IFT81: variants seen among roughly 807,000 people sequenced by gnomAD.
IFT81 encodes the protein intraflagellar transport 81, also known as intraflagellar transport protein 81 homolog.
IFT81 carries 72 observed loss-of-function variants against 102.6 expected under a neutral mutation model. That is an observed-to-expected ratio of 0.70 (90% CI 0.58 to 0.85). IFT81 has a LOEUF of 0.85. Ranked by LOEUF, IFT81 falls within the 40% of genes least tolerant of loss-of-function variation. IFT81 has a pLI of 0.00. For synonymous variants in IFT81, 237 were observed against 242.7 expected (o/e 0.98, Z 0.22); for missense variants, 723 against 787.3 (o/e 0.92, Z 0.98).
chr12:110,202,928 G>A (rs1898368032), intron 14 of IFT81, among the ~76,000 whole-genome samples: 1 of 152,048 alleles, frequency 6.6e-6, no homozygotes, highest in Admixed American at 6.6e-5. Context: ...TTCTAATTAA[G>A]CCCCTGCCTA....
At chr12:110,145,589 A>C (rs1409899101) in intron 9 of IFT81, among the ~76,000 whole-genome samples, 5 of 151,420 alleles carry the variant, frequency 3.3e-5, no homozygotes, top group Non-Finnish European at 5.9e-5. Context: ...GGCACCTGCC[A>C]CCATGCCCAG....
rs952722377 is a variant in IFT81, at chr12:110,209,067, A to G, written c.1803-104A>G. 8.8e-6 allele frequency: 5 copies of G among 566,614 alleles called. No homozygotes were observed. In the African/African-American group the frequency reaches 9.8e-5, roughly 11 times the overall value. 35.1% of individuals were successfully genotyped at this position (566,614 alleles called of 1,614,324 possible). A position where few individuals can be genotyped will look rare whatever the true frequency, so the allele number is the denominator to read the frequency against. The stretch of plus-strand genomic sequence containing the variant: ...CATTCTGACTCCAGTACCCTAAACT[A>G]TATTGCCTAGTGTATTTTAGATAGA... On this transcript the variant is annotated intron_variant, in intron 17 of 18. Transcript: ENST00000242591.
In IFT81 at chr12:110,205,434, A is replaced by G. The variant is rs1462629474; in HGVS notation, c.1645-9A>G. 1 of 1,580,310 alleles carries G rather than the reference A, an allele frequency of 6.3e-7. No individual in the cohort carries two copies. Among genetic ancestry groups the G allele is most frequent in the South Asian group, 1.2e-5 (1 of 84,484 alleles). ...GATAATGTCACCTATCTAAAATTATATATTATAGGAAGTTAGAAGACTCCG... is the reference window on the plus strand; with the variant it reads ...GATAATGTCACCTATCTAAAATTATGTATTATAGGAAGTTAGAAGACTCCG... On this transcript the variant is annotated splice_polypyrimidine_tract_variant and intron_variant, in intron 15 of 18. Coordinates refer to ENST00000242591, the MANE Select transcript of IFT81 (RefSeq NM_014055.4).
intron 11 of IFT81, chr12:110,168,564 G>C (rs1896564112): frequency 2.5e-6 from 1 of 406,794 alleles, no homozygotes; most frequent in Non-Finnish European, 3.3e-6. Context: ...ATTATGCCTG[G>C]AGTATTATTT....
At chr12:110,150,670 A>G (rs1895477167) in intron 10 of IFT81, among the ~76,000 whole-genome samples, 1 of 152,216 alleles carries the variant, frequency 6.6e-6, no homozygotes, top group Non-Finnish European at 1.5e-5. Flanking sequence ...TTTACACACA[A>G]CAGTCTCAGA....
At chr12:110,164,396 A>C (rs1896323246) in intron 11 of IFT81, among the ~76,000 whole-genome samples, 1 of 152,152 alleles carries the variant, frequency 6.6e-6, no homozygotes, top group Admixed American at 6.5e-5. Flanking sequence ...TAGCAAAATA[A>C]AGCAATAGGT....
chr12:110,176,063 C>T (rs1382312732), intron 11 of IFT81, among the ~76,000 whole-genome samples: 1 of 152,090 alleles, frequency 6.6e-6, no homozygotes, highest in Non-Finnish European at 1.5e-5. Flanking sequence ...TCCTCACTCA[C>T]CCCTCTGTGT....
Position 110,209,189 on chromosome 12 carries a change from T to TA in IFT81, c.1822dup (p.Thr608AsnfsTer3), listed in dbSNP as rs746148735. 3 of 1,552,544 alleles carry TA rather than the reference T, an allele frequency of 1.9e-6. No homozygotes were observed. The highest frequency in any genetic ancestry group is 2.7e-6 in the Non-Finnish European group (3 of 1,128,270). ...TCCCTAGGGAACAGTATACCAAAAA[T>TA]ACTGCTGAACAAGAAAACCTTGGAA... On this transcript the variant is annotated frameshift_variant, in exon 18 of 19. Coordinates refer to ENST00000242591, the MANE Select transcript of IFT81 (RefSeq NM_014055.4). LOFTEE classifies it high-confidence loss of function.
chr12:110,156,245 A>G (rs910994377), intron 10 of IFT81, among the ~76,000 whole-genome samples: 8 of 152,230 alleles, frequency 5.3e-5, no homozygotes, highest in African/African-American at 1.4e-4. Context: ...TAAATTATGT[A>G]GAGAACAAAA....
At chr12:110,191,198 T>G in intron 13 of IFT81, 150 bp downstream of exon 13, 1 of 680,600 alleles carries the variant, frequency 1.5e-6, no homozygotes, top group Non-Finnish European at 2.3e-6. Flanking sequence ...TGAGGCAGAG[T>G]CTCACTCTAT....
chr12:110,136,879 A>G lies in IFT81; in HGVS notation c.781+19A>G. 4 of 1,396,312 alleles carry G rather than the reference A, an allele frequency of 2.9e-6. No individual in the cohort carries two copies. The highest frequency in any genetic ancestry group is 3.0e-6 in the Non-Finnish European group (3 of 1,007,678). 86.5% of individuals were successfully genotyped at this position (1,396,312 alleles called of 1,614,324 possible). A position where few individuals can be genotyped will look rare whatever the true frequency, so the allele number is the denominator to read the frequency against. On this transcript the variant is annotated intron_variant, in intron 8 of 18. Transcript: ENST00000242591. ...CCTGAAAGTAAGTGGAAATTATTAT[A>G]TGGTATAGATGATTAGAAAATATTA... is the stretch of plus-strand genomic sequence containing the variant.
intron 11 of IFT81, among the ~76,000 whole-genome samples, chr12:110,177,472 C>T (rs892145475): frequency 3.3e-5 from 5 of 152,032 alleles, no homozygotes; most frequent in African/African-American, 4.8e-5. Context: ...TTAGTAGGGA[C>T]GGAGTTTGGC....
intron 10 of IFT81, among the ~76,000 whole-genome samples, chr12:110,155,123 CCTT>C (rs1402634894): frequency 5.9e-5 from 9 of 152,016 alleles, no homozygotes; most frequent in Admixed American, 3.9e-4. Flanking sequence ...TTAATAATGT[CCTT>C]CTTTGTCTCT....
Position 110,132,550 on chromosome 12 carries a change from G to A in IFT81, c.433G>A (p.Glu145Lys), listed in dbSNP as rs1894233064. Residue 145 changes from glutamate (E) to lysine (K), a missense_variant, in exon 5 of 19, where the codon GAA becomes AAA. By Grantham distance (56) the Glu-to-Lys change is moderately conservative. Coordinates refer to ENST00000242591, the MANE Select transcript of IFT81 (RefSeq NM_014055.4). ...ETVADTNKQY[E>K]ELMEAFKTLH... Reference sequence around the variant, plus strand: ...ATTTCTTAACTTATTCTTCTAGTATGAAGAGTTAATGGAAGCCTTTAAAAC... The same window carrying A: ...ATTTCTTAACTTATTCTTCTAGTATAAAGAGTTAATGGAAGCCTTTAAAAC... 1 of 1,401,208 alleles carries A rather than the reference G, an allele frequency of 7.1e-7. No homozygotes were observed. Among genetic ancestry groups the A allele is most frequent in the South Asian group, 1.2e-5 (1 of 80,854 alleles). 86.8% of individuals were successfully genotyped at this position (1,401,208 alleles called of 1,614,324 possible).
chr12:110,191,720 C>T (rs1358637147), intron 13 of IFT81, among the ~76,000 whole-genome samples: 2 of 152,208 alleles, frequency 1.3e-5, no homozygotes, highest in Non-Finnish European at 2.9e-5. Flanking sequence ...TACACTTTCA[C>T]CAGGCATTAA....
chr12:110,187,883 C>G (rs1897608051), intron 12 of IFT81, among the ~76,000 whole-genome samples: 1 of 152,116 alleles, frequency 6.6e-6, no homozygotes, highest in Admixed American at 6.5e-5. Context: ...GGTCTTACTG[C>G]TAGGTTATAG....
At position 110,135,407 on chromosome 12, in the gene IFT81, T is replaced by C. The variant is rs1349604314; in HGVS notation, c.666T>C (p.Leu222=). ...LRVEKEREEY[L]AQQKQEQKNQ... is the part of the protein sequence containing the mutation. ...TTGAAAAAGAGAGAGAAGAATATCT[T>C]GCACAACAGAAACAGGAACAAAAGA... Residue 222 remains leucine (L), a synonymous_variant, in exon 7 of 19, where the codon CTT becomes CTC. Transcript: ENST00000242591. The C allele has an allele frequency of 5.0e-6, 8 of 1,610,876 alleles. No individual in the cohort carries two copies. Among genetic ancestry groups the C allele is most frequent in the Non-Finnish European group, 6.8e-6 (8 of 1,177,804 alleles).
intron 11 of IFT81, among the ~76,000 whole-genome samples, chr12:110,169,493 A>G (rs1046632750): frequency 2.0e-5 from 3 of 152,226 alleles, no homozygotes; most frequent in African/African-American, 7.2e-5. Context: ...AAGCCAAATT[A>G]GGACCAATGA....
At position 110,192,702 on chromosome 12, in the gene IFT81, A is replaced by G. The variant is rs755909887; in HGVS notation, c.1553A>G (p.Tyr518Cys). ...IKELRQLRQK[Y>C]QELTQECDEK... ...GAGCTACGACAGTTGCGTCAAAAAT[A>G]TCAAGTAAGTTTTTGATTTTATCAA... The change falls in exon 14 of 19, where the codon TAT (tyrosine) becomes TGT (cysteine). Residue 518 changes from tyrosine (Y) to cysteine (C), a missense_variant. Coordinates refer to ENST00000242591, the MANE Select transcript of IFT81 (RefSeq NM_014055.4). 4.5e-6 allele frequency: 7 copies of G among 1,545,630 alleles called. No individual in the cohort carries two copies. The Admixed American group carries it at 1.3e-4, about 29-fold the overall frequency.
Sources: gnomAD v4.1 joint callset for allele counts (sites outside exome capture counted in the v4.1 genomes callset) on GRCh38, gnomAD v4.1.1 for gene constraint, MANE v1.5 for transcripts, NCBI Gene and HGNC (gene_info 2026-07-23, HGNC 2026-07-21) for gene names.